The following DIP2C variants were observed in gnomAD, a reference collection of about 807,000 sequenced individuals.
The protein encoded by DIP2C is DIP2 acetate--CoA ligase C (putative).
DIP2C carries 33 observed loss-of-function variants against 192.4 expected under a neutral mutation model. The observed-to-expected ratio is 0.17, with a 90% CI of 0.13 to 0.23. DIP2C has a LOEUF of 0.23. Ranked by LOEUF, DIP2C falls within the 10% of genes least tolerant of loss-of-function variation. The pLI, the probability that DIP2C is intolerant of heterozygous loss-of-function variation, is 1.00. For missense variants in DIP2C, 1,537 were observed against 2,110.1 expected (o/e 0.73, Z 5.32); for synonymous variants, 979 against 864.1 (o/e 1.13, Z -2.33).
chr10:440,747 TGG>T, intron 4 of DIP2C, 122 bp downstream of exon 4: 1 of 1,396,026 alleles, frequency 7.2e-7, no homozygotes, highest in Non-Finnish European at 9.5e-7. Context: ...TTTGGACTTC[TGG>T]TTCACAAAAT....
intron 32 of DIP2C, among the ~76,000 whole-genome samples, chr10:293,446 A>G (rs926607098): frequency 6.6e-6 from 1 of 152,230 alleles, no homozygotes; most frequent in Admixed American, 6.5e-5. Flanking sequence ...ATTTTAAACT[A>G]CACCTTCTTC....
At chr10:664,531 C>G (rs1856970507) in intron 1 of DIP2C, 1 of 152,166 alleles carries the variant, frequency 6.6e-6, no homozygotes, top group Non-Finnish European at 1.5e-5. Flanking sequence ...AATAAAATGA[C>G]ACACATAAGC....
At chr10:605,632 T>A (rs1852405636) in intron 1 of DIP2C, among the ~76,000 whole-genome samples, 2 of 151,710 alleles carry the variant, frequency 1.3e-5, no homozygotes, top group Admixed American at 1.3e-4. Flanking sequence ...AGAGAACAGA[T>A]TCCTGACGCC....
chr10:627,328 T>C (rs904878670), intron 1 of DIP2C, among the ~76,000 whole-genome samples: 11 of 152,180 alleles, frequency 7.2e-5, no homozygotes, highest in African/African-American at 2.7e-4. Flanking sequence ...AAACCCCCCA[T>C]CAGCATCCCA....
At chr10:458,950 G>C (rs9419456) in intron 3 of DIP2C, among the ~76,000 whole-genome samples, 124,363 of 149,590 alleles carry the variant, frequency 0.83, 54,897 homozygotes, top group Non-Finnish European at 0.96. Context: ...CTCAAGGATG[G>C]GTTCAGAAGC....
At position 281,341 on chromosome 10, in the gene DIP2C, C is replaced by A; in HGVS notation, c.4295-18G>T. ...ATGGCGCTCTGTGGAGTAATGACAGCCTGCGTAAGCTTCCCCATAATGCCG... is the reference window on the plus strand; with the variant it reads ...ATGGCGCTCTGTGGAGTAATGACAGACTGCGTAAGCTTCCCCATAATGCCG... On this transcript the variant is annotated intron_variant, in intron 35 of 36. Transcript: ENST00000280886. 1 of 1,593,430 alleles carries A rather than the reference C, an allele frequency of 6.3e-7. No homozygotes were observed. Among genetic ancestry groups the A allele is most frequent in the Non-Finnish European group, 8.6e-7 (1 of 1,165,552 alleles).
intron 3 of DIP2C, among the ~76,000 whole-genome samples, chr10:451,976 C>T (rs1407840593): frequency 6.6e-6 from 1 of 152,062 alleles, no homozygotes; most frequent in Non-Finnish European, 1.5e-5. Flanking sequence ...CACAAGGAGA[C>T]CAGCACACCC....
chr10:540,217 G>A (rs866529941), intron 1 of DIP2C, among the ~76,000 whole-genome samples: 3 of 152,230 alleles, frequency 2.0e-5, no homozygotes, highest in African/African-American at 4.8e-5. Flanking sequence ...TAGGTCTCCC[G>A]CAGACACTAG....
intron 3 of DIP2C, among the ~76,000 whole-genome samples, chr10:471,917 A>G (rs1970662492): frequency 6.6e-6 from 1 of 152,138 alleles, no homozygotes; most frequent in South Asian, 2.1e-4. Flanking sequence ...CACGCCCGAC[A>G]GCCTAAGTTT....
At chr10:293,514 GC>G (rs1246639812) in intron 32 of DIP2C, among the ~76,000 whole-genome samples, 1 of 152,124 alleles carries the variant, frequency 6.6e-6, no homozygotes, top group Non-Finnish European at 1.5e-5. Flanking sequence ...TGAACAATAA[GC>G]TTTTAAAAAT....
chr10:362,579 A>G lies in DIP2C; in HGVS notation c.2705T>C (p.Phe902Ser). The change falls in exon 22 of 37, where the codon TTT (phenylalanine) becomes TCT (serine). Residue 902 changes from phenylalanine to serine, a missense_variant. By Grantham distance (155) the Phe-to-Ser change is radical. Around this residue, in one of 4 missense-constraint regions of DIP2C, gnomAD observed 677 missense variants for 989.9 expected, o/e 0.68. Transcript: ENST00000280886. ...GCAGGGGTGCAGAGAGCCCTCCAGA[A>G]AAAGCTGTTTTGTTTCTGATAAATG... ...GIHLSETKQL[F>S]LEGSLHPCNV... 1 of 1,614,166 alleles carries G rather than the reference A, an allele frequency of 6.2e-7. No individual in the cohort carries two copies. Among genetic ancestry groups the G allele is most frequent in the Non-Finnish European group, 8.5e-7 (1 of 1,180,030 alleles).
At position 369,559 on chromosome 10, in the gene DIP2C, C is replaced by T. The variant is rs1320991383; in HGVS notation, c.2066G>A (p.Arg689His). The T allele has an allele frequency of 3.7e-6, 6 of 1,601,108 alleles. No homozygotes were observed. Among genetic ancestry groups the T allele is most frequent in the Non-Finnish European group, 5.1e-6 (6 of 1,172,288 alleles). ...SMHGLTYGVI[R>H]VDSEEKLSVL... ...GGACAGCTTCTCTTCCGAGTCCACA[C>T]GAATGACCCCATAGGTCAGTCCATG... is the stretch of plus-strand genomic sequence containing the variant. The change falls in exon 18 of 37, where the codon CGT becomes CAT. Residue 689 changes from arginine to histidine, a missense_variant. Transcript: ENST00000280886.
intron 24 of DIP2C, 84 bp from the exon 25 acceptor site, chr10:349,538 C>G: frequency 6.6e-7 from 1 of 1,514,360 alleles, no homozygotes; most frequent in South Asian, 1.2e-5. Context: ...ATACAACTCA[C>G]TGGCGCAAAG....
chr10:418,272 A>G lies in DIP2C; in HGVS notation c.739+793T>C, dbSNP rs558248706. 4.0e-3 allele frequency among the ~76,000 whole-genome samples: 344 copies of G among 86,870 alleles called. 7 individuals carry two copies. Among genetic ancestry groups the G allele is most frequent in the African/African-American group, 0.013 (318 of 24,786 alleles). The allele number at this position is 86,870 out of a possible 152,430, so 57.0% of individuals were successfully genotyped here. A position where few individuals can be genotyped will look rare whatever the true frequency, so the allele number is the denominator to read the frequency against. On this transcript the variant is annotated intron_variant, in intron 6 of 36. Coordinates refer to ENST00000280886, the MANE Select transcript of DIP2C (RefSeq NM_014974.3). ...CTGTTCACTGCACCTGTCAGGCCTC[A>G]GATAGGCATCCCCGTCCACCTGTCG... is the stretch of plus-strand genomic sequence containing the variant.
chr10:279,495 G>A (rs1954699605), intron 36 of DIP2C, among the ~76,000 whole-genome samples: 1 of 152,210 alleles, frequency 6.6e-6, no homozygotes. Context: ...GCTTTTACAG[G>A]AGCTGTGCAC....
At position 615,389 on chromosome 10, in the gene DIP2C, A is replaced by C. The variant is rs4881495; in HGVS notation, c.85+74105T>G. On this transcript the variant is annotated intron_variant, in intron 1 of 36. Coordinates refer to ENST00000280886, the MANE Select transcript of DIP2C (RefSeq NM_014974.3). ...CCCGCATAGGGGCCACGGTGTTTAC[A>C]ATGGAGACACAGGTGACTATGAGGT... 3.8e-3 allele frequency among the ~76,000 whole-genome samples: 574 copies of C among 152,286 alleles called. 10 individuals carry two copies. The East Asian group carries it at 0.067, about 18-fold the overall frequency.
intron 5 of DIP2C, among the ~76,000 whole-genome samples, chr10:420,336 CCCT>C (rs1966097576): frequency 6.6e-6 from 1 of 152,196 alleles, no homozygotes; most frequent in Admixed American, 6.5e-5. Flanking sequence ...CGGCGTCGGC[CCCT>C]CCTGACGGTG....
intron 1 of DIP2C, among the ~76,000 whole-genome samples, chr10:515,359 C>T (rs1846283428): frequency 6.6e-6 from 1 of 152,150 alleles, no homozygotes; most frequent in Non-Finnish European, 1.5e-5. Context: ...ACATCCCTCT[C>T]CTCCTAGGCT....
At chr10:331,574 A>T (rs1957511019) in intron 29 of DIP2C, among the ~76,000 whole-genome samples, 1 of 152,218 alleles carries the variant, frequency 6.6e-6, no homozygotes, top group Non-Finnish European at 1.5e-5. Flanking sequence ...CAGCATTTAC[A>T]TTGTGTTAGG....
Sources: allele counts gnomAD v4.1 joint callset (sites outside exome capture counted in the v4.1 genomes callset), GRCh38; gene constraint gnomAD v4.1.1; regional missense constraint gnomAD v4.1.1; transcripts MANE v1.5; gene names NCBI Gene and HGNC (gene_info 2026-07-23, HGNC 2026-07-21).